Variants in NCOR2 observed in about 807,000 individuals in gnomAD.
The protein encoded by NCOR2 is nuclear receptor corepressor 2.
NCOR2 carries 81 observed loss-of-function variants against 262.9 expected under a neutral mutation model. That is an observed-to-expected ratio of 0.31 (90% CI 0.26 to 0.37). The LOEUF is 0.37. Among genes scored for constraint, NCOR2 ranks in the 10% least tolerant of loss-of-function variants. The pLI, the probability that NCOR2 is intolerant of heterozygous loss-of-function variation, is 1.00. For missense variants in NCOR2, 3,385 were observed against 3,621.4 expected, an observed-to-expected ratio of 0.93 and a Z score of 1.68; for synonymous variants, 1,659 against 1,559.3, an observed-to-expected ratio of 1.06 and a Z score of -1.51.
intron 20 of NCOR2, among the ~76,000 whole-genome samples, chr12:124,366,695 TG>T (rs1449535040): frequency 6.6e-6 from 1 of 151,992 alleles, no homozygotes; most frequent in Non-Finnish European, 1.5e-5. Context: ...TTTTCTTTTT[TG>T]TGGTAGAGCC....
intron 16 of NCOR2, among the ~76,000 whole-genome samples, chr12:124,397,773 G>T (rs1310764933): frequency 1.3e-5 from 2 of 152,158 alleles, no homozygotes; most frequent in Non-Finnish European, 2.9e-5. Flanking sequence ...AGATACCCAG[G>T]TGTGCTGCCA....
At chr12:124,403,134 G>T (rs931179212) in intron 13 of NCOR2, among the ~76,000 whole-genome samples, 2 of 152,156 alleles carry the variant, frequency 1.3e-5, no homozygotes, top group African/African-American at 4.8e-5. Context: ...CCCCGACAGA[G>T]CTCAGGCCAC....
At chr12:124,430,721 C>T (rs200029894) in exon 9 of NCOR2, 5 of 1,614,178 alleles carry the variant, frequency 3.1e-6, no homozygotes, top group Admixed American at 1.7e-5. Context: ...GGGTTGTTCT[C>T]GATGCGCTCC....
chr12:124,406,489 C>A (rs532294077), intron 13 of NCOR2, among the ~76,000 whole-genome samples: 1 of 152,284 alleles, frequency 6.6e-6, no homozygotes, highest in East Asian at 1.9e-4. Context: ...ATAAAGGACT[C>A]TGTGCAGCAG....
In NCOR2 at chr12:124,454,588, G is replaced by C. The variant is rs1390037111; in HGVS notation, c.762+2518C>G. Among the ~76,000 whole-genome samples the C allele has an allele frequency of 6.6e-6, 1 of 152,162 alleles. No individual in the cohort carries two copies. Among genetic ancestry groups the C allele is most frequent in the East Asian group, 1.9e-4 (1 of 5,174 alleles). ...CCCCCGGGGACCAATCAGGAAACGG[G>C]AGCGGGAGGACCCGGAAATCTGGAA... On this transcript the variant is annotated intron_variant, in intron 6 of 46. Transcript: ENST00000405201. The surrounding 1 kb of genome is among the most constrained non-coding windows in gnomAD (Gnocchi z 5.6).
intron 16 of NCOR2, chr12:124,388,785 G>A: frequency 7.7e-7 from 1 of 1,303,142 alleles, no homozygotes; most frequent in Non-Finnish European, 1.0e-6. Context: ...AGGCTGGGCG[G>A]CCGCGGTCGG....
intron 37 of NCOR2, among the ~76,000 whole-genome samples, chr12:124,339,298 C>CCCATCCATCCATCCAT (rs147095017): frequency 5.2e-4 from 68 of 129,758 alleles, no homozygotes; most frequent in South Asian, 4.9e-3. Flanking sequence ...CAACCACCTG[C>CCCATCCATCCATCCAT]CCATCCATCC....
At chr12:124,402,130 G>A (rs1350494347) in intron 14 of NCOR2, among the ~76,000 whole-genome samples, 2 of 152,328 alleles carry the variant, frequency 1.3e-5, no homozygotes, top group Admixed American at 6.5e-5. Context: ...GCTCAGGAGT[G>A]GAGCTCAAAT....
At position 124,474,250 on chromosome 12, in the gene NCOR2, A is replaced by G. The variant is rs149515830; in HGVS notation, c.412-1119T>C. ...ACACACACGTGGCTTTGCAGAAAACATATGTTCCCAAACACACGGAAAAGC... is the reference window on the plus strand; with the variant it reads ...ACACACACGTGGCTTTGCAGAAAACGTATGTTCCCAAACACACGGAAAAGC... On this transcript the variant is annotated intron_variant, in intron 3 of 46. Transcript: ENST00000405201. 3.9e-4 allele frequency among the ~76,000 whole-genome samples: 60 copies of G among 152,338 alleles called. 1 individual carries two copies. The South Asian group carries it at 8.9e-3, about 23-fold the overall frequency.
At chr12:124,534,680 G>A (rs1372569112) in intron 1 of NCOR2, among the ~76,000 whole-genome samples, 3 of 152,198 alleles carry the variant, frequency 2.0e-5, no homozygotes, top group Non-Finnish European at 1.5e-5. Context: ...CTGCCTGGCT[G>A]GGAAATGAGC....
chr12:124,547,213 G>A (rs565046070), intron 1 of NCOR2, among the ~76,000 whole-genome samples: 4 of 151,390 alleles, frequency 2.6e-5, no homozygotes, highest in Non-Finnish European at 5.9e-5. Context: ...GGCTGGTCTC[G>A]AACTCCTGGC....
intron 25 of NCOR2, 21 bp downstream of exon 27, chr12:124,354,816 C>A: frequency 6.2e-7 from 1 of 1,607,174 alleles, no homozygotes; most frequent in Non-Finnish European, 8.5e-7. Flanking sequence ...GCCACCCAGA[C>A]GGATGGGCCA....
At chr12:124,506,101 A>T (rs971589333) in intron 1 of NCOR2, among the ~76,000 whole-genome samples, 1 of 152,014 alleles carries the variant, frequency 6.6e-6, no homozygotes, top group Non-Finnish European at 1.5e-5. Flanking sequence ...ACCCCAGGCA[A>T]AGCAGGCCCC....
At chr12:124,380,892 C>T (rs935885665) in intron 17 of NCOR2, among the ~76,000 whole-genome samples, 3 of 152,162 alleles carry the variant, frequency 2.0e-5, no homozygotes, top group African/African-American at 7.2e-5. Flanking sequence ...TTAATCCTTA[C>T]ACACATGGTC....
Position 124,426,604 on chromosome 12 carries a change from A to G in NCOR2, c.1328+18T>C, listed in dbSNP as rs1351012499. ...GGGTGGGGGGCCGGGAGGCCAGGCC[A>G]GGTGATGGAGGACTCACTTCTCCCG... On this transcript the variant is annotated intron_variant, in intron 11 of 46. Coordinates refer to ENST00000405201, the Ensembl canonical transcript of NCOR2. 3.2e-6 allele frequency: 5 copies of G among 1,561,772 alleles called. No individual in the cohort carries two copies. Among genetic ancestry groups the G allele is most frequent in the African/African-American group, 1.4e-5 (1 of 74,040 alleles).
chr12:124,355,297 CAG>C, intron 24 of NCOR2, 133 bp downstream of exon 26: 1 of 1,129,076 alleles, frequency 8.9e-7, no homozygotes, highest in Non-Finnish European at 1.3e-6. Context: ...CCAGCCAGCT[CAG>C]ACCCCAGATG....
chr12:124,354,107 C>T (rs762205450), exon 27 of NCOR2: 7 of 1,609,692 alleles, frequency 4.3e-6, no homozygotes, highest in East Asian at 2.2e-5. Flanking sequence ...GTGATGGAGC[C>T]GCGGTATGTG....
intron 13 of NCOR2, among the ~76,000 whole-genome samples, chr12:124,416,046 C>T (rs2042841206): frequency 6.6e-6 from 1 of 152,048 alleles, no homozygotes; most frequent in African/African-American, 2.4e-5. Flanking sequence ...ATTTCCAGCT[C>T]GTCATCAAAG....
rs1555222718 is a variant in NCOR2, at chr12:124,433,904, A to ACACACACACACACACG, written c.883-3118_883-3117insCGTGTGTGTGTGTGTG. On this transcript the variant is annotated intron_variant, in intron 8 of 46. Coordinates refer to ENST00000405201, the Ensembl canonical transcript of NCOR2. ...CACACACACACACACACACACGCAC[A>ACACACACACACACACG]CACACACACAGGGAAAGACTGGAGC... 8.6e-3 allele frequency among the ~76,000 whole-genome samples: 808 copies of ACACACACACACACACG among 93,852 alleles called. 42 individuals are homozygous for ACACACACACACACACG. Among genetic ancestry groups the ACACACACACACACACG allele is most frequent in the African/African-American group, 0.018 (422 of 23,320 alleles). 61.6% of individuals were successfully genotyped at this position (93,852 alleles called of 152,430 possible). A position where few individuals can be genotyped will look rare whatever the true frequency, so the allele number is the denominator to read the frequency against.
Sources: gnomAD v4.1 joint callset for allele counts (sites outside exome capture counted in the v4.1 genomes callset) on GRCh38, gnomAD v4.1.1 for gene constraint, Gnocchi (gnomAD v3.1) non-coding constraint, MANE v1.5 for transcripts, NCBI Gene and HGNC (gene_info 2026-07-23, HGNC 2026-07-21) for gene names.